Variants in EDIL3 observed in about 807,000 individuals in gnomAD.
EDIL3 encodes the protein EGF like and discoidin domains 3, also known as EGF-like repeat and discoidin I-like domain-containing protein 3.
EDIL3 carries 37 observed loss-of-function variants against 67.4 expected under a neutral mutation model. The ratio of observed to expected loss-of-function variants is 0.55; its 90% CI spans 0.42 to 0.72. EDIL3 has a LOEUF of 0.72. EDIL3 is among the 30% of genes least tolerant of loss of function. EDIL3 has a pLI of 0.00. For missense variants in EDIL3, 527 were observed against 586.3 expected, an observed-to-expected ratio of 0.90 and a Z score of 1.04; for synonymous variants, 195 against 196.3, an observed-to-expected ratio of 0.99 and a Z score of 0.05.
intron 9 of EDIL3, 89 bp from the exon 10 acceptor site, chr5:83,963,449 A>G: frequency 7.5e-7 from 1 of 1,335,334 alleles, no homozygotes; most frequent in South Asian, 1.7e-5. Context: ...AAAACTATAT[A>G]TATCCTAAAA....
At chr5:84,288,061 C>G (rs1745844293) in intron 1 of EDIL3, among the ~76,000 whole-genome samples, 1 of 152,164 alleles carries the variant, frequency 6.6e-6, no homozygotes, top group Non-Finnish European at 1.5e-5. Context: ...ATCTGCATCT[C>G]AAATTTAACA....
chr5:84,150,206 T>C (rs1245358039), intron 4 of EDIL3, among the ~76,000 whole-genome samples: 1 of 152,098 alleles, frequency 6.6e-6, no homozygotes, highest in African/African-American at 2.4e-5. Flanking sequence ...CTGAAATAAT[T>C]GAATATATGT....
intron 10 of EDIL3, among the ~76,000 whole-genome samples, chr5:83,962,818 A>G (rs562907045): frequency 6.6e-6 from 1 of 151,766 alleles, no homozygotes; most frequent in South Asian, 2.1e-4. Context: ...AGAACATTTT[A>G]TCTAACATCA....
rs1744806267 is a variant in EDIL3 at position 83,972,279 on chromosome 5, A to T, written c.1138-8919T>A. ...GAAGTCAAGTACTGACTACAGCAAG[A>T]TGTTTCTGGTTGTGGCAACATGACC... is the stretch of plus-strand genomic sequence containing the variant. On this transcript the variant is annotated intron_variant, in intron 9 of 10. Coordinates refer to ENST00000296591, the MANE Select transcript of EDIL3 (RefSeq NM_005711.5). Among the ~76,000 whole-genome samples, 3 of 152,098 alleles carry T rather than the reference A, an allele frequency of 2.0e-5. No homozygotes were observed. The South Asian group carries it at 6.2e-4, about 31-fold the overall frequency.
intron 1 of EDIL3, among the ~76,000 whole-genome samples, chr5:84,376,644 T>C (rs1747974435): frequency 6.6e-6 from 1 of 152,222 alleles, no homozygotes; most frequent in African/African-American, 2.4e-5. Flanking sequence ...GCTTTTAAAG[T>C]TCCTGAAACT....
At chr5:83,956,051 G>C (rs997924144) in intron 10 of EDIL3, among the ~76,000 whole-genome samples, 2 of 151,748 alleles carry the variant, frequency 1.3e-5, no homozygotes, top group Non-Finnish European at 2.9e-5. Context: ...AATGGCTTCT[G>C]GTTGTTCCTG....
intron 9 of EDIL3, among the ~76,000 whole-genome samples, chr5:84,011,667 T>C (rs1745518869): frequency 6.6e-6 from 1 of 152,172 alleles, no homozygotes; most frequent in African/African-American, 2.4e-5. Context: ...CATCTCTGAC[T>C]TTCTCGCACT....
chr5:84,152,480 G>C (rs913245069), intron 4 of EDIL3, among the ~76,000 whole-genome samples: 2 of 152,148 alleles, frequency 1.3e-5, no homozygotes, highest in Non-Finnish European at 1.5e-5. Context: ...AGAGGAATGG[G>C]TCTTATTAGA....
At chr5:84,219,189 G>A (rs1479284997) in intron 3 of EDIL3, among the ~76,000 whole-genome samples, 1 of 152,184 alleles carries the variant, frequency 6.6e-6, no homozygotes, top group African/African-American at 2.4e-5. Flanking sequence ...TTGGGAGAAA[G>A]TAGGGGAAGA....
intron 6 of EDIL3, among the ~76,000 whole-genome samples, chr5:84,086,516 G>C (rs143771292): frequency 1.8e-3 from 280 of 152,144 alleles, no homozygotes; most frequent in Middle Eastern, 3.4e-3. Context: ...GATGAACTGG[G>C]TACCTTAGTT....
At chr5:84,245,656 A>G (rs1531258) in intron 2 of EDIL3, among the ~76,000 whole-genome samples, 103,652 of 151,972 alleles carry the variant, frequency 0.68, 35,612 homozygotes, top group East Asian at 0.95. Context: ...ACATAGTATC[A>G]TATAAGTGAT....
chr5:84,380,354 G>T (rs945628017), intron 1 of EDIL3, among the ~76,000 whole-genome samples: 2 of 152,006 alleles, frequency 1.3e-5, no homozygotes, highest in African/African-American at 4.8e-5. Context: ...AAATAATAAT[G>T]TTAATTTTCA....
Position 84,301,871 on chromosome 5 carries a change from A to T in EDIL3, c.68-47659T>A, listed in dbSNP as rs368546314. Among the ~76,000 whole-genome samples the T allele has an allele frequency of 7.2e-4, 109 of 152,276 alleles. 1 individual carries two copies. Among genetic ancestry groups the T allele is most frequent in the African/African-American group, 2.5e-3 (103 of 41,566 alleles). On this transcript the variant is annotated intron_variant, in intron 1 of 10. Transcript: ENST00000296591. Reference sequence around the variant, plus strand: ...TAAGTATTTCTTCACCTAGGTTCAGATGTTTATATTTTTGCGTGATTTTTT... The same window carrying T: ...TAAGTATTTCTTCACCTAGGTTCAGTTGTTTATATTTTTGCGTGATTTTTT...
chr5:84,325,677 T>C (rs571547267), intron 1 of EDIL3, among the ~76,000 whole-genome samples: 1 of 152,176 alleles, frequency 6.6e-6, no homozygotes, highest in Admixed American at 6.5e-5. Flanking sequence ...CAAAGACATA[T>C]GTGTACATTC....
intron 6 of EDIL3, among the ~76,000 whole-genome samples, chr5:84,100,126 T>G (rs1747335430): frequency 1.3e-5 from 2 of 152,110 alleles, no homozygotes; most frequent in South Asian, 4.2e-4. Context: ...ATGCTGTTGG[T>G]GGGAGTGTAA....
chr5:84,084,125 G>C (rs1436164404), intron 6 of EDIL3, among the ~76,000 whole-genome samples: 1 of 152,068 alleles, frequency 6.6e-6, no homozygotes, highest in East Asian at 1.9e-4. Context: ...CTCCTATATA[G>C]CAAGAAATAA....
At chr5:84,301,656 T>C (rs1746163782) in intron 1 of EDIL3, among the ~76,000 whole-genome samples, 1 of 152,210 alleles carries the variant, frequency 6.6e-6, no homozygotes, top group South Asian at 2.1e-4. Context: ...CACAGTATCA[T>C]GCTGCAGGCC....
chr5:84,264,299 G>T (rs16901018), intron 1 of EDIL3, among the ~76,000 whole-genome samples: 3,550 of 152,268 alleles, frequency 0.023, 146 homozygotes, highest in African/African-American at 0.081. Flanking sequence ...TTTCTGTGTA[G>T]TAGGCTGCTG....
chr5:84,098,959 T>C (rs1293598798), intron 6 of EDIL3, among the ~76,000 whole-genome samples: 1 of 152,036 alleles, frequency 6.6e-6, no homozygotes, highest in African/African-American at 2.4e-5. Flanking sequence ...AGATCAACAA[T>C]TGTGAATGGG....
Sources: allele counts gnomAD v4.1 joint callset (sites outside exome capture counted in the v4.1 genomes callset), GRCh38; gene constraint gnomAD v4.1.1; transcripts MANE v1.5; gene names NCBI Gene and HGNC (gene_info 2026-07-23, HGNC 2026-07-21).